Variants in TENT4A observed in about 807,000 individuals in gnomAD.
TENT4A encodes the protein terminal nucleotidyltransferase 4A.
TENT4A carries 7 observed loss-of-function variants against 72.8 expected under a neutral mutation model. The ratio of observed to expected loss-of-function variants is 0.10; its 90% CI spans 0.05 to 0.18. The LOEUF (loss-of-function observed/expected upper bound fraction) is 0.18, where lower values mean the gene tolerates loss of function less well. Among genes scored for constraint, TENT4A ranks in the 10% least tolerant of loss-of-function variants. The pLI is 1.00. For missense variants in TENT4A, 831 were observed against 1,017.7 expected (o/e 0.82, Z 2.50); for synonymous variants, 456 against 434.3 (o/e 1.05, Z -0.62).
At chr5:6,743,422 G>A (rs1387153718) in intron 5 of TENT4A, among the ~76,000 whole-genome samples, 6 of 152,122 alleles carry the variant, frequency 3.9e-5, no homozygotes, top group Non-Finnish European at 8.8e-5. Context: ...TCCAGTGAAC[G>A]CGCTGGTCTC....
At chr5:6,753,886 C>T (rs6555407) in intron 12 of TENT4A, among the ~76,000 whole-genome samples, 5 of 152,230 alleles carry the variant, frequency 3.3e-5, no homozygotes, top group African/African-American at 9.6e-5. Context: ...AGAACAACTT[C>T]GCACACCGGC....
At chr5:6,730,292 T>G (rs934980550) in intron 1 of TENT4A, among the ~76,000 whole-genome samples, 4 of 152,054 alleles carry the variant, frequency 2.6e-5, no homozygotes, top group Non-Finnish European at 5.9e-5. Context: ...CCAGGAGAGA[T>G]GTGGGAGGGA....
intron 1 of TENT4A, among the ~76,000 whole-genome samples, chr5:6,732,720 A>G (rs1366397172): frequency 3.3e-5 from 5 of 152,218 alleles, no homozygotes. Context: ...TTTCCTGACT[A>G]AAATAAAAAT....
Position 6,743,756 on chromosome 5 carries a change from C to G in TENT4A, c.1161C>G (p.Phe387Leu). The change falls in exon 6 of 13, where the codon TTC becomes TTG. Residue 387 changes from phenylalanine (F) to leucine (L), a missense_variant. Phe to Leu is a conservative substitution (Grantham distance 22, BLOSUM62 0). Around this residue, in one of 3 missense-constraint regions of TENT4A, gnomAD observed 197 missense variants for 399.6 expected, o/e 0.49. Coordinates refer to ENST00000230859, the MANE Select transcript of TENT4A (RefSeq NM_006999.6). ...LPYLILVLKQ[F>L]LLQRDLNEVF... ...ACTTGATTTTAGTATTGAAACAGTT[C>G]CTTCTGCAGAGGGACCTGAATGAAG... 1 of 1,612,496 alleles carries G rather than the reference C, an allele frequency of 6.2e-7. No individual in the cohort carries two copies. The highest frequency in any genetic ancestry group is 8.5e-7 in the Non-Finnish European group (1 of 1,178,668).
intron 1 of TENT4A, among the ~76,000 whole-genome samples, chr5:6,716,178 C>G (rs1216968340): frequency 6.6e-6 from 1 of 152,204 alleles, no homozygotes; most frequent in Non-Finnish European, 1.5e-5. Context: ...CTCCAGGTAA[C>G]TCTAGTCAGG....
At chr5:6,748,693 T>C in intron 8 of TENT4A, 103 bp downstream of exon 8, 1 of 1,260,806 alleles carries the variant, frequency 7.9e-7, no homozygotes, top group Non-Finnish European at 1.1e-6. Flanking sequence ...AGGGATGTTC[T>C]GCCGTATTTC....
intron 1 of TENT4A, among the ~76,000 whole-genome samples, chr5:6,720,254 T>C (rs2126597466): frequency 6.6e-6 from 1 of 152,328 alleles, no homozygotes; most frequent in South Asian, 2.1e-4. Context: ...GATCATGGTG[T>C]GATAACCTCA....
In TENT4A at chr5:6,714,718, C is replaced by G. The variant is rs936675334; in HGVS notation, c.716+19C>G. ...TCCAGGGGTGAGTGCGCGGGGAGGC[C>G]GCGGGGGCGGGGGCGGGGCCCATGG... On this transcript the variant is annotated intron_variant, in intron 1 of 12. Transcript: ENST00000230859. 6.8e-6 allele frequency: 8 copies of G among 1,171,988 alleles called. No homozygotes were observed. In the African/African-American group the frequency reaches 1.3e-4, roughly 19 times the overall value. 72.6% of individuals were successfully genotyped at this position (1,171,988 alleles called of 1,614,324 possible).
intron 1 of TENT4A, among the ~76,000 whole-genome samples, chr5:6,731,411 A>G (rs914129984): frequency 3.9e-5 from 6 of 152,250 alleles, no homozygotes; most frequent in Non-Finnish European, 7.3e-5. Context: ...AAACTGAGGC[A>G]CATAATTAAC....
In TENT4A at chr5:6,728,970, T is replaced by A. The variant is rs994480504; in HGVS notation, c.717-8540T>A. On this transcript the variant is annotated intron_variant, in intron 1 of 12. Transcript: ENST00000230859. ...GTAGCAAATGTATCATTTCGTATTT[T>A]AAAAAAATGCTAGGTAAGCATTTCC... is the stretch of plus-strand genomic sequence containing the variant. Among the ~76,000 whole-genome samples the A allele has an allele frequency of 5.7e-4, 86 of 152,168 alleles. 9 individuals are homozygous for A. Among genetic ancestry groups the A allele is most frequent in the Non-Finnish European group, 2.9e-5 (2 of 68,010 alleles).
chr5:6,715,632 G>A (rs1740337466), intron 1 of TENT4A, among the ~76,000 whole-genome samples: 2 of 152,220 alleles, frequency 1.3e-5, no homozygotes, highest in South Asian at 4.1e-4. Flanking sequence ...TATGAGGGTT[G>A]TTGCATGCAG....
intron 1 of TENT4A, among the ~76,000 whole-genome samples, chr5:6,715,549 A>G (rs1017654820): frequency 6.6e-5 from 10 of 152,192 alleles, no homozygotes. Flanking sequence ...TCAGTATTTT[A>G]AGACTTAAAT....
At chr5:6,735,952 G>A (rs753655532) in intron 1 of TENT4A, among the ~76,000 whole-genome samples, 1 of 151,992 alleles carries the variant, frequency 6.6e-6, no homozygotes, top group Non-Finnish European at 1.5e-5. Flanking sequence ...TAGCAGAGAT[G>A]GGGTTTCACC....
chr5:6,742,230 C>T (rs1325722937), intron 4 of TENT4A, among the ~76,000 whole-genome samples: 1 of 152,198 alleles, frequency 6.6e-6, no homozygotes, highest in East Asian at 1.9e-4. Context: ...GCTCCCTCCC[C>T]TCACGTCTCT....
At chr5:6,748,716 A>G in intron 8 of TENT4A, 126 bp downstream of exon 8, 1 of 1,017,026 alleles carries the variant, frequency 9.8e-7, no homozygotes, top group Non-Finnish European at 1.5e-6. Context: ...TAGAATCTAG[A>G]TATGTTGGTG....
chr5:6,738,463 A>G (rs1741625774), intron 2 of TENT4A, among the ~76,000 whole-genome samples: 1 of 151,926 alleles, frequency 6.6e-6, no homozygotes, highest in Non-Finnish European at 1.5e-5. Context: ...AACTTGTTTC[A>G]CCTCTTAATT....
At chr5:6,714,765 C>A in intron 1 of TENT4A, 66 bp downstream of exon 1, 1 of 925,604 alleles carries the variant, frequency 1.1e-6, no homozygotes, top group African/African-American at 1.7e-5. Flanking sequence ...GCCCGCGGTG[C>A]AGACACCCGT....
At chr5:6,741,610 A>C (rs1741809835) in intron 4 of TENT4A, among the ~76,000 whole-genome samples, 1 of 152,218 alleles carries the variant, frequency 6.6e-6, no homozygotes, top group South Asian at 2.1e-4. Flanking sequence ...CTCAGGGCTT[A>C]CCCTGCCTGG....
chr5:6,748,830 T>G lies in TENT4A; in HGVS notation c.1586+240T>G, dbSNP rs1742243976. On this transcript the variant is annotated intron_variant, in intron 8 of 12. Coordinates refer to ENST00000230859, the MANE Select transcript of TENT4A (RefSeq NM_006999.6). ...ATTTGACATTTTCTTCAGGGTCTTT[T>G]GTTTTGGGGAGGTGATTTCTGGCTT... Among the ~76,000 whole-genome samples, 3 of 152,176 alleles carry G rather than the reference T, an allele frequency of 2.0e-5. No homozygotes were observed. In the South Asian group the frequency reaches 6.2e-4, roughly 32 times the overall value.
Sources: gnomAD v4.1 joint callset for allele counts (sites outside exome capture counted in the v4.1 genomes callset) on GRCh38, gnomAD v4.1.1 for gene constraint, gnomAD v4.1.1 regional missense constraint, MANE v1.5 for transcripts, NCBI Gene and HGNC (gene_info 2026-07-23, HGNC 2026-07-21) for gene names.